RYR3: variants seen among roughly 807,000 people sequenced by gnomAD.
RYR3 encodes the protein brain ryanodine receptor-calcium release channel.
In RYR3, 207 loss-of-function variants were observed where a neutral mutation model predicts 584.3. The ratio of observed to expected loss-of-function variants is 0.35; its 90% CI spans 0.32 to 0.40. RYR3 has a LOEUF of 0.40. Ranked by LOEUF, RYR3 falls within the 10% of genes least tolerant of loss-of-function variation. The pLI, the probability that RYR3 is intolerant of heterozygous loss-of-function variation, is 1.00. For missense variants in RYR3, 5,616 were observed against 6,089.2 expected, an observed-to-expected ratio of 0.92 and a Z score of 2.59; for synonymous variants, 2,416 against 2,248.5, an observed-to-expected ratio of 1.07 and a Z score of -2.11.
At position 33,562,882 on chromosome 15, in the gene RYR3, G is replaced by A; in HGVS notation, c.1018G>A (p.Gly340Ser). The A allele has an allele frequency of 6.2e-7, 1 of 1,613,468 alleles. No individual in the cohort carries two copies. The highest frequency in any genetic ancestry group is 8.5e-7 in the Non-Finnish European group (1 of 1,179,468). ...CTCCAGTCACAAGCGAGACATAGAA[G>A]GCATGGGAGTTCCAGAAATCAAGTA... is the stretch of plus-strand genomic sequence containing the variant. ...LDSSHKRDIE[G>S]MGVPEIKYGD... The change falls in exon 11 of 104, where the codon GGC (glycine) becomes AGC (serine). Residue 340 changes from glycine (G) to serine (S), a missense_variant. Transcript: ENST00000634891.
intron 36 of RYR3, among the ~76,000 whole-genome samples, chr15:33,667,064 G>A (rs1485294412): frequency 6.6e-6 from 1 of 152,078 alleles, no homozygotes; most frequent in African/African-American, 2.4e-5. Flanking sequence ...GACCCAACCT[G>A]TTCTGTGGAT....
intron 87 of RYR3, among the ~76,000 whole-genome samples, chr15:33,835,983 G>C (rs1360660458): frequency 1.3e-5 from 2 of 152,060 alleles, no homozygotes; most frequent in East Asian, 3.9e-4. Context: ...TGATCTCTGA[G>C]GTCTCTTCAC....
At chr15:33,464,489 T>TATATATATAC (rs1450450145) in intron 1 of RYR3, among the ~76,000 whole-genome samples, 11 of 67,448 alleles carry the variant, frequency 1.6e-4, no homozygotes, top group African/African-American at 7.5e-4. Flanking sequence ...TATATATATA[T>TATATATATAC]ACACATATAT....
At chr15:33,623,429 C>T (rs2060826111) in intron 19 of RYR3, among the ~76,000 whole-genome samples, 1 of 140,472 alleles carries the variant, frequency 7.1e-6, no homozygotes, top group South Asian at 2.5e-4. Flanking sequence ...GAAGTTATCA[C>T]ACTGTAATTT....
intron 52 of RYR3, among the ~76,000 whole-genome samples, chr15:33,743,552 G>A (rs1296309830): frequency 6.6e-6 from 1 of 152,174 alleles, no homozygotes; most frequent in Non-Finnish European, 1.5e-5. Context: ...CCTTGCTCTA[G>A]AGCATCTGCG....
At chr15:33,515,587 C>T (rs996050825) in intron 3 of RYR3, among the ~76,000 whole-genome samples, 4 of 152,222 alleles carry the variant, frequency 2.6e-5, no homozygotes, top group African/African-American at 9.6e-5. Context: ...AGTGGAGCTA[C>T]CTAGGCCTCT....
intron 1 of RYR3, among the ~76,000 whole-genome samples, chr15:33,408,011 AT>A (rs5811757): frequency 0.54 from 81,475 of 149,636 alleles, 22,427 homozygotes; most frequent in South Asian, 0.64. Flanking sequence ...TTAAACTTGA[AT>A]TTTTTTTTTT....
At chr15:33,505,727 C>T (rs944924418) in intron 3 of RYR3, among the ~76,000 whole-genome samples, 11 of 152,176 alleles carry the variant, frequency 7.2e-5, no homozygotes, top group South Asian at 2.1e-4. Flanking sequence ...CTCCTGACCT[C>T]GTGATCTGCC....
intron 86 of RYR3, 137 bp from the exon 87 acceptor site, chr15:33,834,831 A>G (rs1393369390): frequency 1.7e-6 from 1 of 579,986 alleles, no homozygotes; most frequent in African/African-American, 1.9e-5. Context: ...TAATCCTGGG[A>G]AAATACTGAG....
intron 8 of RYR3, among the ~76,000 whole-genome samples, chr15:33,545,982 C>T (rs942871376): frequency 6.6e-6 from 1 of 152,202 alleles, no homozygotes; most frequent in Non-Finnish European, 1.5e-5. Flanking sequence ...GTCAAACACC[C>T]TGGGATAAGT....
chr15:33,583,520 C>T (rs1016342202), intron 14 of RYR3, among the ~76,000 whole-genome samples: 6 of 152,200 alleles, frequency 3.9e-5, no homozygotes, highest in Admixed American at 3.9e-4. Context: ...GAATCTCCCT[C>T]CCTTTCTCAT....
In RYR3 at chr15:33,563,132, T is replaced by G. The variant is rs2057503698; in HGVS notation, c.1146+122T>G. The G allele has an allele frequency of 4.8e-6, 4 of 829,760 alleles. No homozygotes were observed. In the South Asian group the frequency reaches 6.0e-5, roughly 12 times the overall value. 51.4% of individuals were successfully genotyped at this position (829,760 alleles called of 1,614,324 possible). ...ATTTACTTCTTACTATTCAGAAGAGTTATTTTGTGATGGATTGTACACAGT... is the reference window on the plus strand; with the variant it reads ...ATTTACTTCTTACTATTCAGAAGAGGTATTTTGTGATGGATTGTACACAGT... On this transcript the variant is annotated intron_variant, in intron 11 of 103. Coordinates refer to ENST00000634891, the MANE Select transcript of RYR3 (RefSeq NM_001036.6).
chr15:33,483,162 C>T (rs544435310), intron 2 of RYR3, among the ~76,000 whole-genome samples: 8 of 151,838 alleles, frequency 5.3e-5, no homozygotes, highest in Non-Finnish European at 1.2e-4. Context: ...TCTTCTTTCT[C>T]CTCCATTATT....
At chr15:33,354,740 T>G (rs1246086529) in intron 1 of RYR3, among the ~76,000 whole-genome samples, 1 of 152,198 alleles carries the variant, frequency 6.6e-6, no homozygotes, top group Non-Finnish European at 1.5e-5. Context: ...TCAAGGTTGA[T>G]CTGGAAGCTT....
intron 41 of RYR3, 112 bp from the exon 42 acceptor site, chr15:33,700,865 G>A: frequency 3.0e-6 from 2 of 665,106 alleles, no homozygotes; most frequent in Non-Finnish European, 5.2e-6. Context: ...TGTAAGCCAG[G>A]TTTCAGTGTG....
chr15:33,559,225 C>T (rs2057273448), intron 10 of RYR3, among the ~76,000 whole-genome samples: 1 of 152,140 alleles, frequency 6.6e-6, no homozygotes, highest in Non-Finnish European at 1.5e-5. Flanking sequence ...CGTTCAGGGT[C>T]CACAAAACCA....
At chr15:33,810,699 G>A in intron 71 of RYR3, 50 bp downstream of exon 71, 1 of 1,609,384 alleles carries the variant, frequency 6.2e-7, no homozygotes, top group Non-Finnish European at 8.5e-7. Context: ...ATGGTGCAGT[G>A]ATAAGCATTC....
At chr15:33,604,284 A>C (rs1376114418) in intron 18 of RYR3, among the ~76,000 whole-genome samples, 1 of 152,238 alleles carries the variant, frequency 6.6e-6, no homozygotes, top group African/African-American at 2.4e-5. Flanking sequence ...TTCTTCTGTA[A>C]CTGGTAGCTA....
intron 27 of RYR3, among the ~76,000 whole-genome samples, chr15:33,638,395 G>A (rs2061617538): frequency 1.3e-5 from 2 of 152,206 alleles, no homozygotes; most frequent in African/African-American, 4.8e-5. Flanking sequence ...CATTCTCTGG[G>A]GTAGAAAGAG....
Sources: allele counts gnomAD v4.1 joint callset (sites outside exome capture counted in the v4.1 genomes callset), GRCh38; gene constraint gnomAD v4.1.1; transcripts MANE v1.5; gene names NCBI Gene and HGNC (gene_info 2026-07-23, HGNC 2026-07-21).